Variants in PCDHGA7 observed in about 807,000 individuals in gnomAD.
The protein encoded by PCDHGA7 is protocadherin gamma subfamily A, 7, also known as protocadherin gamma-A7.
A neutral mutation model predicts 58.3 loss-of-function variants in PCDHGA7; 44 were observed. That is an observed-to-expected ratio of 0.75 (90% CI 0.59 to 0.97). The LOEUF is 0.97. Among genes scored for constraint, PCDHGA7 ranks in the 50% least tolerant of loss-of-function variants. PCDHGA7 has a pLI of 0.00. For missense variants in PCDHGA7, 1,266 were observed against 1,188.7 expected, an observed-to-expected ratio of 1.06 and a Z score of -0.96; for synonymous variants, 516 against 504.2, an observed-to-expected ratio of 1.02 and a Z score of -0.31.
intron 1 of PCDHGA7, chr5:141,394,111 C>T: frequency 1.9e-6 from 3 of 1,613,936 alleles, no homozygotes; most frequent in African/African-American, 2.7e-5. Flanking sequence ...CCACCTCTGT[C>T]CACTGAAACT....
At chr5:141,418,460 G>A in intron 1 of PCDHGA7, 1 of 1,613,992 alleles carries the variant, frequency 6.2e-7, no homozygotes, top group Non-Finnish European at 8.5e-7. Context: ...GAAGACTCTG[G>A]ACCGAGAAAC....
At chr5:141,478,506 ATAGGCAGGTGTTGGG>A in intron 1 of PCDHGA7, 1 of 1,612,314 alleles carries the variant, frequency 6.2e-7, no homozygotes, top group Non-Finnish European at 8.5e-7. Context: ...CCGGTGTTCT[ATAGGCAGGTGTTGGG>A]TGCAGAGAGC....
At chr5:141,429,169 T>TACACACACACACACACAC (rs10667977) in intron 1 of PCDHGA7, 2 of 145,394 alleles carry the variant, frequency 1.4e-5, no homozygotes, top group African/African-American at 5.1e-5. Flanking sequence ...ACATTGTTTA[T>TACACACACACACACACAC]ACACACACAC....
chr5:141,472,164 G>C (rs2099273083), intron 1 of PCDHGA7, among the ~76,000 whole-genome samples: 1 of 152,158 alleles, frequency 6.6e-6, no homozygotes, highest in Non-Finnish European at 1.5e-5. Flanking sequence ...TAGCTACTAG[G>C]TGTAATATCC....
Position 141,384,276 on chromosome 5 carries a change from C to T in PCDHGA7, c.1377C>T (p.Val459=), listed in dbSNP as rs1333595693. 1 of 1,613,888 alleles carries T rather than the reference C, an allele frequency of 6.2e-7. No homozygotes were observed. The highest frequency in any genetic ancestry group is 1.1e-5 in the South Asian group (1 of 91,076). ...PPTFPHSSYS[V]YIAENNPRGA... Reference sequence around the variant, plus strand: ...CCTTCCCCCACTCATCCTACTCAGTCTACATCGCTGAGAACAACCCCAGAG... The same window carrying T: ...CCTTCCCCCACTCATCCTACTCAGTTTACATCGCTGAGAACAACCCCAGAG... The change falls in exon 1 of 4, where the codon GTC becomes GTT. Residue 459 remains valine (V), a synonymous_variant. Transcript: ENST00000518325.
chr5:141,474,566 G>A (rs2154572064), intron 1 of PCDHGA7, among the ~76,000 whole-genome samples: 1 of 152,336 alleles, frequency 6.6e-6, no homozygotes, highest in Non-Finnish European at 1.5e-5. Flanking sequence ...GGTTTTCAGA[G>A]ATTAATTGAA....
rs562479827 is a variant in PCDHGA7, at chr5:141,430,802, C to A, written c.2424+45479C>A. The A allele has an allele frequency of 1.2e-5, 18 of 1,524,776 alleles. No homozygotes were observed. The East Asian group carries it at 3.9e-4, about 33-fold the overall frequency. The allele number at this position is 1,524,776 out of a possible 1,614,324, so 94.5% of individuals were successfully genotyped here. On this transcript the variant is annotated intron_variant, in intron 1 of 3. Coordinates refer to ENST00000518325, the MANE Select transcript of PCDHGA7 (RefSeq NM_018920.4). ...GCACCGGGACTACAAAGGGCTTGTC[C>A]TGCTGGGAATCCTCCTGGGGACTCT... is the stretch of plus-strand genomic sequence containing the variant.
chr5:141,403,007 C>T (rs774624797), intron 1 of PCDHGA7: 10 of 1,613,940 alleles, frequency 6.2e-6, no homozygotes, highest in Non-Finnish European at 8.5e-6. Context: ...GCTATGCTCG[C>T]TCCTGGGGAT....
In PCDHGA7 at chr5:141,511,106, G is replaced by A. The variant is rs536900646; in HGVS notation, c.2732G>A (p.Arg911Gln). 4.6e-5 allele frequency: 75 copies of A among 1,614,196 alleles called. No individual in the cohort carries two copies. In the East Asian group the frequency reaches 5.8e-4, roughly 12 times the overall value. Reference protein sequence around the residue: ...NATLTNAAGKRDGKAPAGGNG... With the variant: ...NATLTNAAGKQDGKAPAGGNG... ...ACACTGACCAACGCAGCTGGCAAGC[G>A]GGATGGCAAGGCCCCAGCAGGTGGC... The change falls in exon 4 of 4, where the codon CGG (arginine) becomes CAG (glutamine). Residue 911 changes from arginine (R) to glutamine (Q), a missense_variant. Coordinates refer to ENST00000518325, the MANE Select transcript of PCDHGA7 (RefSeq NM_018920.4).
intron 1 of PCDHGA7, among the ~76,000 whole-genome samples, chr5:141,447,285 A>G (rs143024915): frequency 0.046 from 7,013 of 152,060 alleles, 241 homozygotes; most frequent in African/African-American, 0.093. Context: ...GACTACAGGC[A>G]CATGCCACCA....
intron 1 of PCDHGA7, chr5:141,392,498 AT>A (rs201401101): frequency 3.1e-4 from 68 of 217,634 alleles, no homozygotes; most frequent in African/African-American, 9.8e-4. Context: ...TAAGCAAATG[AT>A]TTTTTTTTCT....
chr5:141,485,625 G>C lies in PCDHGA7; in HGVS notation c.2425-9182G>C. On this transcript the variant is annotated intron_variant, in intron 1 of 3. Transcript: ENST00000518325. This position sits in a 1 kb window ranked among gnomAD's most constrained non-coding sequence, Gnocchi z 5.7. ...GGGGAGGCAGCTCCTCCAGGACAGC[G>C]TTTCCCGTTGGAAAAGGCTCAGGAT... The C allele has an allele frequency of 6.2e-7, 1 of 1,611,968 alleles. No individual in the cohort carries two copies. Among genetic ancestry groups the C allele is most frequent in the Non-Finnish European group, 8.5e-7 (1 of 1,178,504 alleles).
At chr5:141,497,956 C>T (rs2099780659) in intron 2 of PCDHGA7, among the ~76,000 whole-genome samples, 1 of 152,214 alleles carries the variant, frequency 6.6e-6, no homozygotes, top group African/African-American at 2.4e-5. Flanking sequence ...TTCTGTTGGC[C>T]AGGCAGTGTT....
chr5:141,415,305 C>G (rs200439097), intron 1 of PCDHGA7: 1 of 1,614,234 alleles, frequency 6.2e-7, no homozygotes, highest in African/African-American at 1.3e-5. Context: ...TCTTCCTGGC[C>G]TTCGTCATCG....
At chr5:141,445,313 T>C (rs1186654847) in intron 1 of PCDHGA7, among the ~76,000 whole-genome samples, 8 of 152,328 alleles carry the variant, frequency 5.3e-5, no homozygotes, top group Non-Finnish European at 4.4e-5. Flanking sequence ...GTTTGTAGGT[T>C]GAGAGAACCC....
intron 1 of PCDHGA7, chr5:141,400,386 A>G (rs766907172): frequency 5.0e-6 from 8 of 1,614,040 alleles, no homozygotes; most frequent in Non-Finnish European, 5.1e-6. Context: ...TATGTGTTGC[A>G]CATACAGGAA....
intron 1 of PCDHGA7, chr5:141,411,845 G>C (rs984420523): frequency 6.6e-6 from 1 of 151,920 alleles, no homozygotes; most frequent in Non-Finnish European, 1.5e-5. Context: ...AGGTGACAGA[G>C]TGAGACCCTG....
intron 1 of PCDHGA7, chr5:141,415,868 G>A: frequency 9.2e-7 from 1 of 1,090,360 alleles, no homozygotes; most frequent in Non-Finnish European, 1.2e-6. Flanking sequence ...TTATAGTGTT[G>A]TTGAGTACAA....
intron 1 of PCDHGA7, among the ~76,000 whole-genome samples, chr5:141,494,030 A>G (rs1165393646): frequency 6.6e-6 from 1 of 151,978 alleles, no homozygotes; most frequent in Non-Finnish European, 1.5e-5. Context: ...AGCCCTGGAG[A>G]CTTAGTTGGC....
Sources: allele counts gnomAD v4.1 joint callset (sites outside exome capture counted in the v4.1 genomes callset), GRCh38; gene constraint gnomAD v4.1.1; non-coding constraint Gnocchi (gnomAD v3.1); transcripts MANE v1.5; gene names NCBI Gene and HGNC (gene_info 2026-07-23, HGNC 2026-07-21).